The following TMEM255B variants were observed in gnomAD, a reference collection of about 807,000 sequenced individuals.
TMEM255B encodes family with sequence similarity 70, member B.
TMEM255B carries 35 observed loss-of-function variants against 34.5 expected under a neutral mutation model. The ratio of observed to expected loss-of-function variants is 1.01; its 90% CI spans 0.77 to 1.34. The LOEUF is 1.34. Among genes scored for constraint, TMEM255B ranks in the 40% most tolerant of loss-of-function variants. TMEM255B has a pLI of 0.00. For synonymous variants in TMEM255B, 206 were observed against 201.2 expected (o/e 1.02, Z -0.20); for missense variants, 432 against 433.2 (o/e 1.00, Z 0.02).
intron 3 of TMEM255B, among the ~76,000 whole-genome samples, chr13:113,785,915 G>A (rs763432077): frequency 3.9e-5 from 6 of 152,192 alleles, no homozygotes; most frequent in Non-Finnish European, 8.8e-5. Flanking sequence ...TTGGATTTTA[G>A]GAGGGAACGT....
intron 6 of TMEM255B, among the ~76,000 whole-genome samples, 199 bp downstream of exon 6, chr13:113,801,111 C>A (rs1012435148): frequency 1.3e-5 from 2 of 152,188 alleles, no homozygotes; most frequent in African/African-American, 2.4e-5. Context: ...CATCACCCCC[C>A]CCACACCCCT....
chr13:113,810,502 G>A (rs574616550), intron 8 of TMEM255B, among the ~76,000 whole-genome samples: 1 of 152,284 alleles, frequency 6.6e-6, no homozygotes, highest in Admixed American at 6.5e-5. Context: ...CAGAGCCTAT[G>A]GGAGAATACA....
intron 2 of TMEM255B, chr13:113,768,128 C>T (rs573919582): frequency 2.8e-4 from 129 of 454,262 alleles, no homozygotes; most frequent in African/African-American, 2.4e-3. Flanking sequence ...AAGGCTGTGC[C>T]GGGCGGGCCA....
At chr13:113,772,343 A>G (rs116140271) in intron 3 of TMEM255B, among the ~76,000 whole-genome samples, 4,261 of 152,252 alleles carry the variant, frequency 0.028, 185 homozygotes, top group African/African-American at 0.096. Context: ...TTTAATTTTG[A>G]TGAACTCTAA....
intron 4 of TMEM255B, among the ~76,000 whole-genome samples, chr13:113,798,416 GACAGATGA>G: frequency 6.6e-6 from 1 of 151,056 alleles, no homozygotes; most frequent in Non-Finnish European, 1.5e-5. Context: ...AAGGATGGAT[GACAGATGA>G]ATGGATGGGT....
At chr13:113,783,619 C>T (rs1011690380) in intron 3 of TMEM255B, among the ~76,000 whole-genome samples, 1 of 152,148 alleles carries the variant, frequency 6.6e-6, no homozygotes, top group South Asian at 2.1e-4. Flanking sequence ...TGAACGCAAG[C>T]AGTGCCTTCA....
In TMEM255B at chr13:113,782,676, G is replaced by GA. The variant is rs961888789; in HGVS notation, c.253-12472_253-12471insA. Among the ~76,000 whole-genome samples the GA allele has an allele frequency of 1.5e-4, 17 of 116,706 alleles. No homozygotes were observed. The East Asian group carries it at 2.8e-3, about 19-fold the overall frequency. The allele number at this position is 116,706 out of a possible 152,430, so 76.6% of individuals were successfully genotyped here. ...GAGATTTCCTCCTGTGATGGTCGGA[G>GA]GGGGGGGCTTCATTATGAGCCCCAC... is the stretch of plus-strand genomic sequence containing the variant. On this transcript the variant is annotated intron_variant, in intron 3 of 8. Coordinates refer to ENST00000375353, the MANE Select transcript of TMEM255B (RefSeq NM_182614.4).
At position 113,801,713 on chromosome 13, in the gene TMEM255B, G is replaced by A; in HGVS notation, c.570G>A (p.Leu190=). ...FIGVSGCQDV[L]HLYRLLWASA... is the part of the protein sequence containing the mutation. ...GCGTCAGCGGCTGCCAGGACGTGCT[G>A]CACCTGTACCGCCTGCTCTGGGCCT... The change falls in exon 7 of 9, where the codon CTG becomes CTA. Residue 190 remains leucine (L), a synonymous_variant. Transcript: ENST00000375353. The A allele has an allele frequency of 2.5e-6, 4 of 1,612,704 alleles. No homozygotes were observed. Among genetic ancestry groups the A allele is most frequent in the Non-Finnish European group, 3.4e-6 (4 of 1,179,706 alleles).
Position 113,801,708 on chromosome 13 carries a change from G to A in TMEM255B, c.565G>A (p.Val189Met), listed in dbSNP as rs1463226310. 19 of 1,612,322 alleles carry A rather than the reference G, an allele frequency of 1.2e-5. No homozygotes were observed. The highest frequency in any genetic ancestry group is 2.7e-5 in the African/African-American group (2 of 74,910). Reference protein sequence around the residue: ...EFIGVSGCQDVLHLYRLLWAS... With the variant: ...EFIGVSGCQDMLHLYRLLWAS... ...CATCGGCGTCAGCGGCTGCCAGGAC[G>A]TGCTGCACCTGTACCGCCTGCTCTG... The change falls in exon 7 of 9, where the codon GTG (valine) becomes ATG (methionine). Residue 189 changes from valine (V) to methionine (M), a missense_variant. By Grantham distance (21) the Val-to-Met change is conservative (BLOSUM62 1). Transcript: ENST00000375353.
chr13:113,796,499 C>T (rs1167124770), intron 4 of TMEM255B, among the ~76,000 whole-genome samples: 1 of 150,072 alleles, frequency 6.7e-6, no homozygotes, highest in Non-Finnish European at 1.5e-5. Flanking sequence ...ACACTACACA[C>T]ACCACACAGA....
intron 3 of TMEM255B, among the ~76,000 whole-genome samples, chr13:113,788,846 C>T (rs915712416): frequency 2.0e-5 from 3 of 152,152 alleles, no homozygotes; most frequent in African/African-American, 4.8e-5. Context: ...GAAGCTGGCT[C>T]CCCTCCCACT....
At chr13:113,808,579 T>G (rs1372718427) in intron 8 of TMEM255B, among the ~76,000 whole-genome samples, 3 of 149,504 alleles carry the variant, frequency 2.0e-5, no homozygotes, top group Non-Finnish European at 4.4e-5. Flanking sequence ...GGGTGTTTAC[T>G]CCGTGGTTCC....
intron 1 of TMEM255B, among the ~76,000 whole-genome samples, chr13:113,765,898 C>A (rs1170558190): frequency 6.6e-6 from 1 of 152,236 alleles, no homozygotes; most frequent in East Asian, 1.9e-4. Context: ...GGTTTGGCCG[C>A]AAATACCAGG....
At chr13:113,795,544 C>T (rs1243752085) in intron 4 of TMEM255B, among the ~76,000 whole-genome samples, 1 of 148,314 alleles carries the variant, frequency 6.7e-6, no homozygotes, top group Non-Finnish European at 1.5e-5. Context: ...ACAGCACACA[C>T]ACAACACAGC....
At chr13:113,786,320 G>A (rs1334060728) in intron 3 of TMEM255B, among the ~76,000 whole-genome samples, 3 of 150,212 alleles carry the variant, frequency 2.0e-5, no homozygotes, top group African/African-American at 7.4e-5. Context: ...CTTCCCCACT[G>A]TCATCACCAT....
chr13:113,774,276 C>T (rs984034009), intron 3 of TMEM255B, among the ~76,000 whole-genome samples: 6 of 152,192 alleles, frequency 3.9e-5, no homozygotes, highest in African/African-American at 1.4e-4. Context: ...TGTTAGTCTC[C>T]GGTGACATCT....
At chr13:113,789,951 C>A (rs1030075287) in intron 3 of TMEM255B, among the ~76,000 whole-genome samples, 1 of 150,932 alleles carries the variant, frequency 6.6e-6, no homozygotes, top group South Asian at 2.1e-4. Context: ...CTGAACTGAC[C>A]GGGCATGTGG....
intron 8 of TMEM255B, among the ~76,000 whole-genome samples, chr13:113,805,919 C>T (rs923354980): frequency 3.3e-5 from 5 of 152,200 alleles, no homozygotes; most frequent in Non-Finnish European, 7.3e-5. Flanking sequence ...GCAGCCTCTG[C>T]AGAGAGAGCT....
At chr13:113,805,059 C>T (rs60580207) in intron 8 of TMEM255B, 31 bp downstream of exon 8, 107,319 of 1,570,714 alleles carry the variant, frequency 0.068, 4,439 homozygotes, top group Admixed American at 0.17. Flanking sequence ...TGGAGTTGGA[C>T]GCGCTGGTCA....
Sources: gnomAD v4.1 joint callset for allele counts (sites outside exome capture counted in the v4.1 genomes callset) on GRCh38, gnomAD v4.1.1 for gene constraint, MANE v1.5 for transcripts, NCBI Gene and HGNC (gene_info 2026-07-23, HGNC 2026-07-21) for gene names.